Variants in IL1RAPL2 observed in about 807,000 individuals in gnomAD.
IL1RAPL2 encodes the protein X-linked interleukin-1 receptor accessory protein-like 2.
In IL1RAPL2, 3 loss-of-function variants were observed where a neutral mutation model predicts 44.1. That is an observed-to-expected ratio of 0.07 (90% CI 0.03 to 0.18). IL1RAPL2 has a LOEUF of 0.18. IL1RAPL2 is among the 10% of genes least tolerant of loss of function. The pLI, the probability that IL1RAPL2 is intolerant of heterozygous loss-of-function variation, is 1.00. For missense variants in IL1RAPL2, 391 were observed against 496.4 expected (o/e 0.79, Z 2.02); for synonymous variants, 181 against 178.8 (o/e 1.01, Z -0.10).
At chrX:105,294,434 A>T (rs754508607) in intron 5 of IL1RAPL2, among the ~76,000 whole-genome samples, 69 of 112,283 alleles carry the variant, frequency 6.1e-4, no homozygotes, top group South Asian at 2.9e-3. Context: ...GTAGAGGAAG[A>T]GTCACAGCAA....
In IL1RAPL2 at chrX:105,485,084, C is replaced by T. The variant is rs981737593; in HGVS notation, c.772+697C>T. Among the ~76,000 whole-genome samples the T allele has an allele frequency of 6.3e-5, 7 of 111,535 alleles. No homozygotes were observed. In the South Asian group the frequency reaches 1.1e-3, roughly 18 times the overall value. The stretch of plus-strand genomic sequence containing the variant: ...TTTAAATCATGCCCTTTAACATTTG[C>T]GAGATTTCATCTGTCTTGGATTTCA... On this transcript the variant is annotated intron_variant, in intron 6 of 10. Coordinates refer to ENST00000372582, the MANE Select transcript of IL1RAPL2 (RefSeq NM_017416.2).
chrX:105,629,029 G>A, intron 6 of IL1RAPL2, among the ~76,000 whole-genome samples: 1 of 111,965 alleles, frequency 8.9e-6, no homozygotes, highest in Non-Finnish European at 1.9e-5. Flanking sequence ...ATTGCTCTCA[G>A]TTTTCCACAG....
chrX:104,838,843 CTTTCTTTTT>C (rs1921819165), intron 2 of IL1RAPL2, among the ~76,000 whole-genome samples: 2 of 38,018 alleles, frequency 5.3e-5, no homozygotes, highest in African/African-American at 6.8e-5. Flanking sequence ...TTCTTTCTTT[CTTTCTTTTT>C]TTTTTTTTTT....
At chrX:104,849,671 T>G (rs113406538) in intron 2 of IL1RAPL2, among the ~76,000 whole-genome samples, 5,770 of 110,047 alleles carry the variant, frequency 0.052, 417 homozygotes, top group African/African-American at 0.18. Flanking sequence ...TCAAATCATC[T>G]AGTAGAGATA....
chrX:105,291,666 C>T (rs2034613264), intron 5 of IL1RAPL2, among the ~76,000 whole-genome samples: 1 of 111,250 alleles, frequency 9.0e-6, no homozygotes, highest in Non-Finnish European at 1.9e-5. Context: ...CAACTCCTTA[C>T]CTAGATATAA....
At chrX:104,941,913 C>A (rs1304549231) in intron 2 of IL1RAPL2, among the ~76,000 whole-genome samples, 1 of 111,851 alleles carries the variant, frequency 8.9e-6, no homozygotes, top group Non-Finnish European at 1.9e-5. Context: ...CAGCTTTCTA[C>A]ATATGGCTAG....
chrX:104,645,128 T>A (rs1416648836), intron 1 of IL1RAPL2, among the ~76,000 whole-genome samples: 2 of 111,470 alleles, frequency 1.8e-5, no homozygotes, highest in African/African-American at 6.5e-5. Flanking sequence ...CCTTCCCAAC[T>A]CAAATGTTGG....
intron 2 of IL1RAPL2, among the ~76,000 whole-genome samples, chrX:104,970,848 C>T (rs1415939520): frequency 8.9e-6 from 1 of 111,878 alleles, no homozygotes; most frequent in East Asian, 2.8e-4. Context: ...GCCCTTCCTA[C>T]CACCAGAGGA....
At chrX:105,315,288 C>A in intron 5 of IL1RAPL2, among the ~76,000 whole-genome samples, 1 of 109,099 alleles carries the variant, frequency 9.2e-6, no homozygotes, top group East Asian at 2.9e-4. Context: ...GTTTTCTTAG[C>A]TTCTGTAGTC....
At chrX:104,573,742 A>G (rs1414575334) in intron 1 of IL1RAPL2, among the ~76,000 whole-genome samples, 1 of 112,525 alleles carries the variant, frequency 8.9e-6, no homozygotes, top group Non-Finnish European at 1.9e-5. Flanking sequence ...TGATTAAAAT[A>G]CTATGGTACT....
chrX:104,777,846 T>A, intron 2 of IL1RAPL2, among the ~76,000 whole-genome samples: 1 of 110,688 alleles, frequency 9.0e-6, no homozygotes, highest in Non-Finnish European at 1.9e-5. Flanking sequence ...CCTCCCAACT[T>A]ACTGGTCTGC....
intron 2 of IL1RAPL2, among the ~76,000 whole-genome samples, chrX:105,172,014 C>T (rs1013936688): frequency 8.9e-6 from 1 of 112,470 alleles, no homozygotes; most frequent in Non-Finnish European, 1.9e-5. Flanking sequence ...AAAGAATCAG[C>T]TATGCTTGGC....
At chrX:105,758,769 A>C (rs1294436910) in intron 10 of IL1RAPL2, among the ~76,000 whole-genome samples, 1 of 112,190 alleles carries the variant, frequency 8.9e-6, no homozygotes, top group African/African-American at 3.2e-5. Flanking sequence ...GACTAGAAAC[A>C]TCTGTCCCTG....
intron 2 of IL1RAPL2, among the ~76,000 whole-genome samples, chrX:105,170,044 A>G (rs753785298): frequency 9.0e-6 from 1 of 110,823 alleles, no homozygotes; most frequent in African/African-American, 3.3e-5. Context: ...TATTAAAATC[A>G]ATGTCATGAA....
chrX:105,551,269 A>G (rs1429187285), intron 6 of IL1RAPL2, among the ~76,000 whole-genome samples: 2 of 106,002 alleles, frequency 1.9e-5, no homozygotes, highest in African/African-American at 6.9e-5. Flanking sequence ...GGAATGGAAG[A>G]GAATCCATGC....
intron 2 of IL1RAPL2, among the ~76,000 whole-genome samples, chrX:105,078,252 G>T (rs911331989): frequency 1.8e-5 from 2 of 111,976 alleles, no homozygotes; most frequent in Non-Finnish European, 3.8e-5. Flanking sequence ...CCTTCTAACA[G>T]TCAGGACCCT....
chrX:104,988,048 G>A (rs138963768), intron 2 of IL1RAPL2, among the ~76,000 whole-genome samples: 1,243 of 112,256 alleles, frequency 0.011, 19 homozygotes, highest in African/African-American at 0.038. Context: ...TTGGGAAAGT[G>A]ATTTGTATTC....
At chrX:105,147,587 T>C (rs889235623) in intron 2 of IL1RAPL2, among the ~76,000 whole-genome samples, 1 of 112,109 alleles carries the variant, frequency 8.9e-6, no homozygotes, top group Non-Finnish European at 1.9e-5. Flanking sequence ...TGGAATCATA[T>C]ATGTGGACTT....
chrX:105,681,920 T>C (rs192648865), intron 6 of IL1RAPL2, among the ~76,000 whole-genome samples: 22 of 111,720 alleles, frequency 2.0e-4, no homozygotes, highest in African/African-American at 6.8e-4. Context: ...CTGAGGACTG[T>C]AGTTGATTGC....
Sources: gnomAD v4.1 joint callset for allele counts (sites outside exome capture counted in the v4.1 genomes callset) on GRCh38, gnomAD v4.1.1 for gene constraint, MANE v1.5 for transcripts, NCBI Gene and HGNC (gene_info 2026-07-23, HGNC 2026-07-21) for gene names.